The following DNAJC13 variants were observed in gnomAD, a reference collection of about 807,000 sequenced individuals.
DNAJC13 encodes the protein dnaJ homolog subfamily C member 13.
In DNAJC13, 75 loss-of-function variants were observed where a neutral mutation model predicts 290.5. That is an observed-to-expected ratio of 0.26 (90% CI 0.21 to 0.31). DNAJC13 has a LOEUF of 0.31. DNAJC13 is among the 10% of genes least tolerant of loss of function. The probability of loss-of-function intolerance (pLI) is 1.00; values close to 1 mark genes in which losing one functional copy is unlikely to be tolerated. For synonymous variants in DNAJC13, 862 were observed against 892.0 expected, an observed-to-expected ratio of 0.97 and a Z score of 0.60; for missense variants, 2,260 against 2,674.5, an observed-to-expected ratio of 0.85 and a Z score of 3.42.
At chr3:132,537,062 C>T (rs1936612943) in intron 55 of DNAJC13, 2 of 450,702 alleles carry the variant, frequency 4.4e-6, no homozygotes, top group Non-Finnish European at 8.9e-6. Flanking sequence ...CCTTTTTGTC[C>T]TCCACCAATC....
intron 2 of DNAJC13, among the ~76,000 whole-genome samples, chr3:132,442,062 T>A (rs545760740): frequency 2.9e-4 from 43 of 149,640 alleles, no homozygotes; most frequent in African/African-American, 9.6e-4. Context: ...AAATACCTTA[T>A]GTAAAAAAAA....
At chr3:132,427,134 T>TATATATATA (rs34351441) in intron 1 of DNAJC13, among the ~76,000 whole-genome samples, 4 of 115,174 alleles carry the variant, frequency 3.5e-5, no homozygotes, top group African/African-American at 1.7e-4. Flanking sequence ...TATATATATA[T>TATATATATA]TTTTTTTTTT....
At chr3:132,506,068 T>TTTTTTTTTA (rs1935576378) in intron 42 of DNAJC13, among the ~76,000 whole-genome samples, 9 of 140,188 alleles carry the variant, frequency 6.4e-5, no homozygotes, top group Non-Finnish European at 6.1e-5. Flanking sequence ...TTTTTTTTTT[T>TTTTTTTTTA]GAGATGGAAT....
Position 132,470,845 on chromosome 3 carries a change from A to AC in DNAJC13, c.2209-2300_2209-2299insC, listed in dbSNP as rs1186921000. ...GGGCGGCTGGCCAGGCGGGGGGCTG[A>AC]TCCCCCCACCTCCCTCCCGGACAGG... On this transcript the variant is annotated intron_variant, in intron 20 of 55. Transcript: ENST00000260818. Among the ~76,000 whole-genome samples the AC allele has an allele frequency of 4.1e-3, 421 of 102,720 alleles. 8 individuals carry two copies. The highest frequency in any genetic ancestry group is 9.3e-3 in the Admixed American group (94 of 10,128). 67.4% of individuals were successfully genotyped at this position (102,720 alleles called of 152,430 possible).
At chr3:132,438,273 G>A (rs1204544169) in intron 2 of DNAJC13, among the ~76,000 whole-genome samples, 1 of 152,128 alleles carries the variant, frequency 6.6e-6, no homozygotes, top group African/African-American at 2.4e-5. Context: ...ACATTTTCCA[G>A]ATGGTGATAG....
intron 55 of DNAJC13, among the ~76,000 whole-genome samples, chr3:132,533,057 C>CTTTTTTTT (rs35854494): frequency 9.7e-6 from 1 of 102,908 alleles, no homozygotes; most frequent in African/African-American, 3.9e-5. Context: ...CCACACCTGG[C>CTTTTTTTT]TTTTTTTTTT....
At chr3:132,470,542 C>T (rs1348291560) in intron 20 of DNAJC13, among the ~76,000 whole-genome samples, 2 of 137,494 alleles carry the variant, frequency 1.5e-5, no homozygotes, top group Non-Finnish European at 3.2e-5. Context: ...AGAGGGGCTC[C>T]TCACTTCCCA....
intron 2 of DNAJC13, among the ~76,000 whole-genome samples, chr3:132,439,916 A>C (rs1932999970): frequency 6.6e-6 from 1 of 152,182 alleles, no homozygotes; most frequent in Non-Finnish European, 1.5e-5. Context: ...CAGATGAACG[A>C]TCAGTTTGCC....
At chr3:132,484,263 G>A (rs747823422) in intron 28 of DNAJC13, 5 of 362,216 alleles carry the variant, frequency 1.4e-5, no homozygotes, top group Non-Finnish European at 2.6e-5. Context: ...ATGTAACAAA[G>A]TTTGATAAGC....
intron 2 of DNAJC13, among the ~76,000 whole-genome samples, chr3:132,440,665 A>G (rs1933036054): frequency 6.6e-6 from 1 of 152,244 alleles, no homozygotes; most frequent in Non-Finnish European, 1.5e-5. Flanking sequence ...TATACTATCT[A>G]GGTTTGTGTA....
At chr3:132,424,547 TA>T (rs1238269694) in intron 1 of DNAJC13, among the ~76,000 whole-genome samples, 2 of 152,154 alleles carry the variant, frequency 1.3e-5, no homozygotes, top group African/African-American at 4.8e-5. Context: ...ATCAAGTTTT[TA>T]AAAACAATGG....
chr3:132,446,522 A>G lies in DNAJC13; in HGVS notation c.116A>G (p.Asn39Ser), dbSNP rs1933248896. 2 of 1,608,578 alleles carry G rather than the reference A, an allele frequency of 1.2e-6. No homozygotes were observed. The highest frequency in any genetic ancestry group is 8.5e-7 in the Non-Finnish European group (1 of 1,177,940). The change falls in exon 3 of 56, where the codon AAT becomes AGT. Residue 39 changes from asparagine to serine, a missense_variant. By Grantham distance (46) the Asn-to-Ser change is conservative. This residue lies in a region of DNAJC13 where 762 missense variants were observed against 964.1 expected (regional missense o/e 0.79). Coordinates refer to ENST00000260818, the MANE Select transcript of DNAJC13 (RefSeq NM_015268.4). ...SVGTHAITTYNPNTLEVTNQW... is the reference protein window; with the variant it reads ...SVGTHAITTYSPNTLEVTNQW... ...GGAACTCATGCGATTACTACATATA[A>G]TCCCAATACCTTAGAAGTAACAAAT...
In DNAJC13 at chr3:132,538,194, A is replaced by G; in HGVS notation, c.6644A>G (p.Tyr2215Cys). 6.2e-7 allele frequency: 1 copy of G among 1,613,806 alleles called. No homozygotes were observed. Residue 2215 changes from tyrosine (Y) to cysteine (C), a missense_variant, in exon 56 of 56, where the codon TAC (tyrosine) becomes TGC (cysteine). Around this residue, in one of 3 missense-constraint regions of DNAJC13, gnomAD observed 1,494 missense variants for 1,693.7 expected, o/e 0.88. Coordinates refer to ENST00000260818, the MANE Select transcript of DNAJC13 (RefSeq NM_015268.4). ...GYLTGPGVAG[Y>C]LTAGTSTSVM... is the part of the protein sequence containing the mutation. ...CTTGCAGGACCTGGAGTTGCTGGCT[A>G]CCTTACCGCAGGTACATCTACATCA...
intron 8 of DNAJC13, 38 bp from the exon 9 acceptor site, chr3:132,454,028 C>G (rs781413600): frequency 6.9e-7 from 1 of 1,456,012 alleles, no homozygotes; most frequent in Non-Finnish European, 9.4e-7. Context: ...AAACTATAAA[C>G]TTTTTTTTGT....
rs184537314 is a variant in DNAJC13, at chr3:132,486,200, G to A, written c.3267+1528G>A. ...TCCATTCGTATCCTTCAGTGAAAAA[G>A]CACTGCAATTATTGAGGGCTCTAAA... On this transcript the variant is annotated intron_variant, in intron 29 of 55. Coordinates refer to ENST00000260818, the MANE Select transcript of DNAJC13 (RefSeq NM_015268.4). Among the ~76,000 whole-genome samples the A allele has an allele frequency of 2.1e-4, 29 of 140,922 alleles. 1 individual carries two copies. The highest frequency in any genetic ancestry group is 6.8e-4 in the African/African-American group (26 of 38,212). The allele number at this position is 140,922 out of a possible 152,430, so 92.5% of individuals were successfully genotyped here. A position where few individuals can be genotyped will look rare whatever the true frequency, so the allele number is the denominator to read the frequency against.
Position 132,500,918 on chromosome 3 carries a change from G to T in DNAJC13, c.4536+5G>T. On this transcript the variant is annotated splice_donor_5th_base_variant and intron_variant, in intron 39 of 55. Transcript: ENST00000260818. ...CGGGTACTATATTTTGGCAAGGTAG[G>T]GTTAATCTTTAATGCTTTCTAGATA... 6.2e-7 allele frequency: 1 copy of T among 1,613,420 alleles called. No homozygotes were observed. The highest frequency in any genetic ancestry group is 8.5e-7 in the Non-Finnish European group (1 of 1,179,656).
intron 43 of DNAJC13, among the ~76,000 whole-genome samples, chr3:132,510,196 T>C (rs1297093988): frequency 6.6e-6 from 1 of 152,166 alleles, no homozygotes; most frequent in Non-Finnish European, 1.5e-5. Flanking sequence ...TCACAAGGGA[T>C]ATCAGACCAC....
At chr3:132,488,851 T>C in intron 30 of DNAJC13, 125 bp from the exon 31 acceptor site, 1 of 672,670 alleles carries the variant, frequency 1.5e-6, no homozygotes, top group Non-Finnish European at 2.5e-6. Context: ...TTTGGGAATA[T>C]GGATTTATGT....
chr3:132,445,414 A>T (rs574824740), intron 2 of DNAJC13, among the ~76,000 whole-genome samples: 1 of 152,228 alleles, frequency 6.6e-6, no homozygotes, highest in East Asian at 1.9e-4. Flanking sequence ...CTTTGAAAAT[A>T]GATTGGTGGG....
Sources: allele counts gnomAD v4.1 joint callset (sites outside exome capture counted in the v4.1 genomes callset), GRCh38; gene constraint gnomAD v4.1.1; regional missense constraint gnomAD v4.1.1; transcripts MANE v1.5; gene names NCBI Gene and HGNC (gene_info 2026-07-23, HGNC 2026-07-21).